Variants in SCNN1B observed in about 807,000 individuals in gnomAD.
The protein encoded by SCNN1B is epithelial sodium channel subunit beta.
A neutral mutation model predicts 65.3 loss-of-function variants in SCNN1B; 46 were observed. That is an observed-to-expected ratio of 0.70 (90% CI 0.56 to 0.90). The LOEUF is 0.90. Among genes scored for constraint, SCNN1B ranks in the 40% least tolerant of loss-of-function variants. SCNN1B has a pLI of 0.00. For synonymous variants in SCNN1B, 349 were observed against 330.6 expected, an observed-to-expected ratio of 1.06 and a Z score of -0.60; for missense variants, 751 against 830.5, an observed-to-expected ratio of 0.90 and a Z score of 1.18.
intron 1 of SCNN1B, among the ~76,000 whole-genome samples, chr16:23,323,392 C>T (rs1274386302): frequency 1.3e-5 from 2 of 152,134 alleles, no homozygotes; most frequent in Non-Finnish European, 2.9e-5. Context: ...CCAGGGTACC[C>T]AAGGGCTCCA....
intron 4 of SCNN1B, among the ~76,000 whole-genome samples, chr16:23,360,607 T>TA (rs1469780648): frequency 6.7e-6 from 1 of 148,634 alleles, no homozygotes; most frequent in Non-Finnish European, 1.5e-5. Flanking sequence ...TTTTTTTTTT[T>TA]TTTTTTGAGA....
intron 1 of SCNN1B, among the ~76,000 whole-genome samples, chr16:23,338,080 CACA>C (rs564715908): frequency 6.6e-6 from 1 of 152,120 alleles, no homozygotes; most frequent in East Asian, 1.9e-4. Context: ...TCAAAAAAAC[CACA>C]ACAACAAAAA....
At chr16:23,310,385 A>T (rs1356507839) in intron 1 of SCNN1B, among the ~76,000 whole-genome samples, 1 of 150,890 alleles carries the variant, frequency 6.6e-6, no homozygotes, top group Non-Finnish European at 1.5e-5. Context: ...TATTTTATGG[A>T]TAGGGTTCTT....
intron 1 of SCNN1B, among the ~76,000 whole-genome samples, chr16:23,304,252 T>C (rs1961146526): frequency 1.6e-5 from 2 of 128,294 alleles, no homozygotes; most frequent in African/African-American, 3.2e-5. Context: ...CATGAATGCA[T>C]GCACACACAC....
At position 23,380,263 on chromosome 16, in the gene SCNN1B, T is replaced by A. The variant is rs1963013506; in HGVS notation, c.1542+94T>A. On this transcript the variant is annotated intron_variant, in intron 12 of 12. Coordinates refer to ENST00000343070, the MANE Select transcript of SCNN1B (RefSeq NM_000336.3). This position sits in a 1 kb window ranked among gnomAD's most constrained non-coding sequence, Gnocchi z 5.4. ...AAGGGTTCTGAGCCCTATGAAGGAA[T>A]TAGGAAGATCCCTAAGACAGTCCCA... is the stretch of plus-strand genomic sequence containing the variant. 2.7e-6 allele frequency: 4 copies of A among 1,494,944 alleles called. No homozygotes were observed. The highest frequency in any genetic ancestry group is 1.7e-5 in the Admixed American group (1 of 59,538). 92.6% of individuals were successfully genotyped at this position (1,494,944 alleles called of 1,614,324 possible). A position where few individuals can be genotyped will look rare whatever the true frequency, so the allele number is the denominator to read the frequency against.
At chr16:23,331,096 C>T (rs572217345) in intron 1 of SCNN1B, among the ~76,000 whole-genome samples, 8 of 152,282 alleles carry the variant, frequency 5.3e-5, no homozygotes, top group Admixed American at 2.0e-4. Context: ...TGGGCACAGC[C>T]GAGCTGCATT....
At chr16:23,368,236 G>A (rs1400901327) in intron 5 of SCNN1B, among the ~76,000 whole-genome samples, 2 of 152,094 alleles carry the variant, frequency 1.3e-5, no homozygotes, top group African/African-American at 2.4e-5. Flanking sequence ...GCACAGCTTC[G>A]TGGTCAAGAG....
At chr16:23,343,746 A>C (rs925208843) in intron 1 of SCNN1B, among the ~76,000 whole-genome samples, 14 of 152,268 alleles carry the variant, frequency 9.2e-5, no homozygotes, top group African/African-American at 3.4e-4. Flanking sequence ...CCATGAGTTC[A>C]GGGCCAATGT....
At chr16:23,281,232 A>G (rs913979021) in intron 1 of SCNN1B, among the ~76,000 whole-genome samples, 1 of 152,228 alleles carries the variant, frequency 6.6e-6, no homozygotes, top group Non-Finnish European at 1.5e-5. Flanking sequence ...CAAGAGTTCA[A>G]GACCAGCCTG....
At position 23,353,027 on chromosome 16, in the gene SCNN1B, T is replaced by A; in HGVS notation, c.538T>A (p.Ser180Thr). 1 of 1,614,144 alleles carries A rather than the reference T, an allele frequency of 6.2e-7. No individual in the cohort carries two copies. The highest frequency in any genetic ancestry group is 8.5e-7 in the Non-Finnish European group (1 of 1,180,028). ...NHNGLTSSSA[S>T]EKICNAHGCK... ...CAATGGCTTAACAAGCAGCTCAGCA[T>A]CAGAAAAGATCTGTAATGCCCACGG... The change falls in exon 3 of 13, where the codon TCA (serine) becomes ACA (threonine). Residue 180 changes from serine to threonine, a missense_variant. By Grantham distance (58) the Ser-to-Thr change is moderately conservative. Coordinates refer to ENST00000343070, the MANE Select transcript of SCNN1B (RefSeq NM_000336.3).
chr16:23,326,013 TG>T lies in SCNN1B; in HGVS notation c.-8-22578del, dbSNP rs1241299183. Among the ~76,000 whole-genome samples the T allele has an allele frequency of 2.0e-5, 3 of 152,142 alleles. No individual in the cohort carries two copies. In the East Asian group the frequency reaches 5.8e-4, roughly 29 times the overall value. On this transcript the variant is annotated intron_variant, in intron 1 of 12. Transcript: ENST00000343070. ...TCTCTTGAGCCAGGGAGTTTGAGGC[TG>T]CAGTGAGCTATGATTGCACCACTGC...
chr16:23,329,498 A>G (rs1310998390), intron 1 of SCNN1B, among the ~76,000 whole-genome samples: 2 of 152,210 alleles, frequency 1.3e-5, no homozygotes, highest in Non-Finnish European at 2.9e-5. Flanking sequence ...ACCACAGCTA[A>G]TAAGAGCTGA....
At chr16:23,363,956 C>T (rs1475039927) in intron 4 of SCNN1B, among the ~76,000 whole-genome samples, 2 of 152,096 alleles carry the variant, frequency 1.3e-5, no homozygotes, top group African/African-American at 2.4e-5. Flanking sequence ...CACCTGAGGT[C>T]AGGAGTTCAA....
chr16:23,280,801 T>C (rs1295984398), intron 1 of SCNN1B, among the ~76,000 whole-genome samples: 1 of 152,190 alleles, frequency 6.6e-6, no homozygotes, highest in Non-Finnish European at 1.5e-5. Context: ...GGCACATAAT[T>C]GGTGTTCAGA....
At chr16:23,353,248 A>G (rs986431899) in intron 3 of SCNN1B, 174 bp downstream of exon 3, 7 of 718,676 alleles carry the variant, frequency 9.7e-6, no homozygotes, top group Admixed American at 9.6e-5. Flanking sequence ...CATGTTAGTC[A>G]AGACTCCTTT....
At chr16:23,369,906 C>G (rs1481986767) in intron 5 of SCNN1B, among the ~76,000 whole-genome samples, 1 of 152,156 alleles carries the variant, frequency 6.6e-6, no homozygotes, top group Non-Finnish European at 1.5e-5. Flanking sequence ...TCATGCAGCC[C>G]TTGTGAGCAT....
At chr16:23,336,371 A>ATTT (rs745716509) in intron 1 of SCNN1B, among the ~76,000 whole-genome samples, 4,278 of 134,446 alleles carry the variant, frequency 0.032, 248 homozygotes, top group African/African-American at 0.11. Context: ...AAGCAAGACG[A>ATTT]TTTTTTTTTT....
At chr16:23,366,369 CT>C (rs1962669164) in intron 4 of SCNN1B, among the ~76,000 whole-genome samples, 1 of 145,138 alleles carries the variant, frequency 6.9e-6, no homozygotes, top group Non-Finnish European at 1.5e-5. Context: ...CTACTCCTGG[CT>C]TTTTATTTTA....
chr16:23,372,038 C>T (rs1962797059), intron 7 of SCNN1B, 155 bp downstream of exon 7: 1 of 695,472 alleles, frequency 1.4e-6, no homozygotes, highest in Non-Finnish European at 2.6e-6. Flanking sequence ...GGACCAGTCA[C>T]TTTCCTGGGC....
Sources: gnomAD v4.1 joint callset for allele counts (sites outside exome capture counted in the v4.1 genomes callset) on GRCh38, gnomAD v4.1.1 for gene constraint, Gnocchi (gnomAD v3.1) non-coding constraint, MANE v1.5 for transcripts, NCBI Gene and HGNC (gene_info 2026-07-23, HGNC 2026-07-21) for gene names.